The following FLII variants were observed in gnomAD, a reference collection of about 807,000 sequenced individuals.
FLII encodes the protein FLII actin remodeling protein.
Under a neutral mutation model 156.2 loss-of-function variants are expected in FLII, and 101 were observed. The ratio of observed to expected loss-of-function variants is 0.65; its 90% CI spans 0.55 to 0.76. FLII has a LOEUF of 0.76. Among genes scored for constraint, FLII ranks in the 30% least tolerant of loss-of-function variants. FLII has a pLI of 0.00. For missense variants in FLII, 1,675 were observed against 1,682.8 expected, an observed-to-expected ratio of 1.00 and a Z score of 0.08; for synonymous variants, 767 against 685.8, an observed-to-expected ratio of 1.12 and a Z score of -1.85.
In FLII at chr17:18,245,221, G is replaced by A. The variant is rs759682057; in HGVS notation, c.3727C>T (p.Arg1243Cys). The A allele has an allele frequency of 1.5e-5, 24 of 1,613,796 alleles. No individual in the cohort carries two copies. The highest frequency in any genetic ancestry group is 1.3e-4 in the Admixed American group (8 of 60,002). Residue 1243 changes from arginine (R) to cysteine (C), a missense_variant, in exon 30 of 30, where the codon CGC (arginine) becomes TGC (cysteine). Coordinates refer to ENST00000327031, the MANE Select transcript of FLII (RefSeq NM_002018.4). ...TGCTCATTGCCCTTGCGGACCAGGC[G>A]CAGCCGGCGCGGCCGCTCATGTTCC... ...SKEHERPRRL[R>C]LVRKGNEQHA...
In FLII at chr17:18,253,677, C is replaced by CT; in HGVS notation, c.721_722insA (p.Cys241Ter). The CT allele has an allele frequency of 6.2e-7, 1 of 1,613,554 alleles. No homozygotes were observed. Among genetic ancestry groups the CT allele is most frequent in the Non-Finnish European group, 8.5e-7 (1 of 1,179,962 alleles). ...GCGCAGGCTGGGGAGGGTGTACAGA[C>CT]ACTCGGGCACCCGTGTCAGGTCATT... The part of the protein sequence containing the change: ...SCNDLTRVPE[C>*]LYTLPSLRRL... Residue 241 changes from cysteine to a stop codon, truncating the protein, a stop_gained and frameshift_variant, in exon 8 of 30, where the codon TGT (cysteine) becomes TAGT (stop). Transcript: ENST00000327031. LOFTEE classifies it high-confidence loss of function.
intron 18 of FLII, 61 bp from the exon 19 acceptor site, chr17:18,248,094 G>T: frequency 8.3e-7 from 1 of 1,201,514 alleles, no homozygotes; most frequent in Non-Finnish European, 1.2e-6. Flanking sequence ...CACCCACACA[G>T]CCCTCTGCTC....
In FLII at chr17:18,246,678, G is replaced by A. The variant is rs2048069169; in HGVS notation, c.2967C>T (p.Gly989=). 5 of 1,613,660 alleles carry A rather than the reference G, an allele frequency of 3.1e-6. No homozygotes were observed. Among genetic ancestry groups the A allele is most frequent in the Non-Finnish European group, 4.2e-6 (5 of 1,179,880 alleles). ...DFQCIVYFWQ[G]REASNMGWLT... is the part of the protein sequence containing the mutation. ...GCCAGCCCATATTGGAGGCTTCACG[G>A]CCCTGCCAGAAGTACACGATGCACT... The change falls in exon 23 of 30, where the codon GGC becomes GGT. Residue 989 remains glycine (G), a synonymous_variant. Transcript: ENST00000327031.
chr17:18,258,619 C>T lies in FLII; in HGVS notation c.63+9G>A. 6.4e-7 allele frequency: 1 copy of T among 1,555,834 alleles called. No homozygotes were observed. The highest frequency in any genetic ancestry group is 2.5e-5 in the East Asian group (1 of 40,574). Reference sequence around the variant, plus strand: ...CAGGGAGGCCCGGCACGCGCCCGGCCCGGCTCACCTTGAAGTCGTTGCCGC... The same window carrying T: ...CAGGGAGGCCCGGCACGCGCCCGGCTCGGCTCACCTTGAAGTCGTTGCCGC... On this transcript the variant is annotated intron_variant, in intron 1 of 29. Coordinates refer to ENST00000327031, the MANE Select transcript of FLII (RefSeq NM_002018.4). The surrounding 1 kb of genome is among the most constrained non-coding windows in gnomAD (Gnocchi z 4.2).
Position 18,252,157 on chromosome 17 carries a change from G to C in FLII, c.1099-11C>G. On this transcript the variant is annotated splice_polypyrimidine_tract_variant and intron_variant, in intron 10 of 29. Transcript: ENST00000327031. ...CCGCACATCCAGGACCTGCCCCATA[G>C]GGTGAGCAGAGCCGGCACTGAGCCT... The C allele has an allele frequency of 6.2e-7, 1 of 1,611,964 alleles. No individual in the cohort carries two copies.
chr17:18,246,881 G>A (rs1040130257), intron 22 of FLII, 32 bp downstream of exon 22: 1 of 1,614,056 alleles, frequency 6.2e-7, no homozygotes, highest in Non-Finnish European at 8.5e-7. Flanking sequence ...CACCAGGGGA[G>A]GGACTTGGGG....
At position 18,248,229 on chromosome 17, in the gene FLII, C is replaced by A. The variant is rs551100266; in HGVS notation, c.2191-196G>T. ...ATGGAGTTTTCCCTGCCTGCCCTCT[C>A]CAGGCCCTTCATGCCATTTCTAATT... On this transcript the variant is annotated intron_variant, in intron 18 of 29. Coordinates refer to ENST00000327031, the MANE Select transcript of FLII (RefSeq NM_002018.4). Among the ~76,000 whole-genome samples the A allele has an allele frequency of 1.4e-4, 22 of 152,336 alleles. No homozygotes were observed. In the East Asian group the frequency reaches 2.1e-3, roughly 15 times the overall value.
At position 18,248,029 on chromosome 17, in the gene FLII, C is replaced by T; in HGVS notation, c.2195G>A (p.Gly732Asp). The T allele has an allele frequency of 6.2e-7, 1 of 1,610,582 alleles. No homozygotes were observed. Among genetic ancestry groups the T allele is most frequent in the South Asian group, 1.1e-5 (1 of 90,944 alleles). Residue 732 changes from glycine to aspartate, a missense_variant, in exon 19 of 30, where the codon GGC becomes GAC. Around this residue, in one of 2 missense-constraint regions of FLII, gnomAD observed 1,332 missense variants for 1,269.3 expected, o/e 1.05. Transcript: ENST00000327031. Reference protein sequence around the residue: ...WPPQPKLYKVGLGLGYLELPQ... With the variant: ...WPPQPKLYKVDLGLGYLELPQ... ...CAGCTCCAGGTAGCCCAAGCCCAGG[C>T]CCACCTGGCAGGAAGGATGAGCATG...
intron 13 of FLII, 43 bp downstream of exon 13, chr17:18,251,222 G>A (rs758005110): frequency 2.7e-5 from 42 of 1,584,542 alleles, no homozygotes; most frequent in Non-Finnish European, 3.3e-5. Context: ...CTTAGAGGAA[G>A]GTACTGGGCC....
rs772427910 is a variant in FLII, at chr17:18,257,026, G to C, written c.64-7C>G. On this transcript the variant is annotated splice_region_variant and splice_polypyrimidine_tract_variant and intron_variant, in intron 1 of 29. Transcript: ENST00000327031. ...TCTCAGGGAAGTAGCCGCCCTGGGG[G>C]AAGGATGTCAAGGTGAAGCACAGAG... 5.0e-6 allele frequency: 8 copies of C among 1,584,246 alleles called. No homozygotes were observed. Among genetic ancestry groups the C allele is most frequent in the Non-Finnish European group, 6.9e-6 (8 of 1,161,436 alleles).
Position 18,248,618 on chromosome 17 carries a change from C to T in FLII, c.2122G>A (p.Gly708Arg). Residue 708 changes from glycine (G) to arginine (R), a missense_variant, in exon 18 of 30, where the codon GGG becomes AGG. This residue lies in a region of FLII where 1,332 missense variants were observed against 1,269.3 expected (regional missense o/e 1.05). Coordinates refer to ENST00000327031, the MANE Select transcript of FLII (RefSeq NM_002018.4). ...TGCTTCTTGATCTCAGAGGGCTCCC[C>T]ACCCAGTGCCTCCCAGAACTCTGGG... Reference protein sequence around the residue: ...ELPEFWEALGGEPSEIKKHVP... With the variant: ...ELPEFWEALGREPSEIKKHVP... 4 of 1,613,912 alleles carry T rather than the reference C, an allele frequency of 2.5e-6. No homozygotes were observed. The highest frequency in any genetic ancestry group is 2.2e-5 in the East Asian group (1 of 44,860).
chr17:18,247,630 G>C (rs1362376262), intron 20 of FLII, 27 bp downstream of exon 20: 3 of 1,548,184 alleles, frequency 1.9e-6, no homozygotes, highest in Non-Finnish European at 2.6e-6. Flanking sequence ...GGATCCTGGG[G>C]AGGGGCCTCC....
chr17:18,255,924 G>A (rs1484908590), intron 3 of FLII, among the ~76,000 whole-genome samples: 1 of 152,246 alleles, frequency 6.6e-6, no homozygotes, highest in Non-Finnish European at 1.5e-5. Context: ...AAGTGGCAAA[G>A]CCCAGCTTTG....
chr17:18,253,734 G>A lies in FLII; in HGVS notation c.680-15C>T, dbSNP rs1312200151. On this transcript the variant is annotated splice_polypyrimidine_tract_variant and intron_variant, in intron 7 of 29. Transcript: ENST00000327031. ...CAGATCCACGTCTGGGGTGCAGGGT[G>A]GGGTGCATCAGCTGGGGCCCATACA... is the stretch of plus-strand genomic sequence containing the variant. 1.3e-6 allele frequency: 2 copies of A among 1,590,164 alleles called. No homozygotes were observed. The highest frequency in any genetic ancestry group is 2.3e-5 in the East Asian group (1 of 44,096).
In FLII at chr17:18,247,915, C is replaced by T. The variant is rs377071764; in HGVS notation, c.2295+14G>A. The T allele has an allele frequency of 6.2e-7, 1 of 1,613,432 alleles. No homozygotes were observed. The highest frequency in any genetic ancestry group is 8.5e-7 in the Non-Finnish European group (1 of 1,179,454). Reference sequence around the variant, plus strand: ...GAGGGATCTGGCCCCACGCCCTCCTCCTGCATCTCTTACCAGCCGCATTCT... The same window carrying T: ...GAGGGATCTGGCCCCACGCCCTCCTTCTGCATCTCTTACCAGCCGCATTCT... On this transcript the variant is annotated intron_variant, in intron 19 of 29. Coordinates refer to ENST00000327031, the MANE Select transcript of FLII (RefSeq NM_002018.4).
In FLII at chr17:18,245,665, G is replaced by T; in HGVS notation, c.3504-5C>A. On this transcript the variant is annotated splice_region_variant and splice_polypyrimidine_tract_variant and intron_variant, in intron 27 of 29. Coordinates refer to ENST00000327031, the MANE Select transcript of FLII (RefSeq NM_002018.4). ...TAGCCCTTCTCGTTGGAGCACCTGG[G>T]AATCAAGGGTCAAGGTGAGGCCAGA... is the stretch of plus-strand genomic sequence containing the variant. The T allele has an allele frequency of 6.2e-7, 1 of 1,613,452 alleles. No homozygotes were observed. The highest frequency in any genetic ancestry group is 8.5e-7 in the Non-Finnish European group (1 of 1,179,724).
In FLII at chr17:18,258,494, C is replaced by G. The variant is rs115575382; in HGVS notation, c.63+134G>C. 1.3e-5 allele frequency: 19 copies of G among 1,503,606 alleles called. 1 individual carries two copies. The South Asian group carries it at 2.2e-4, about 18-fold the overall frequency. 93.1% of individuals were successfully genotyped at this position (1,503,606 alleles called of 1,614,324 possible). Reference sequence around the variant, plus strand: ...AGGTCCATTCCTGGCCAGGGGAGAGCCCCACCCCGCCCCGGCCGCAGTCCC... The same window carrying G: ...AGGTCCATTCCTGGCCAGGGGAGAGGCCCACCCCGCCCCGGCCGCAGTCCC... On this transcript the variant is annotated intron_variant, in intron 1 of 29. Transcript: ENST00000327031. The surrounding 1 kb of genome is among the most constrained non-coding windows in gnomAD (Gnocchi z 4.2).
chr17:18,245,739 C>T lies in FLII; in HGVS notation c.3503+5G>A, dbSNP rs2048019136. 1 of 1,613,590 alleles carries T rather than the reference C, an allele frequency of 6.2e-7. No homozygotes were observed. ...CTGAGGGGAGGGTCAGGGCCCTGGC[C>T]TCACCGGAAGAGACGTGTGTGTTTC... On this transcript the variant is annotated splice_donor_5th_base_variant and intron_variant, in intron 27 of 29. Coordinates refer to ENST00000327031, the MANE Select transcript of FLII (RefSeq NM_002018.4).
At chr17:18,257,204 C>CG (rs2048446400) in intron 1 of FLII, 185 bp from the exon 2 acceptor site, 3 of 551,902 alleles carry the variant, frequency 5.4e-6, no homozygotes, top group African/African-American at 3.9e-5. Flanking sequence ...TAAGCCCCCC[C>CG]GTGACAAAAG....
Sources: allele counts gnomAD v4.1 joint callset (sites outside exome capture counted in the v4.1 genomes callset), GRCh38; gene constraint gnomAD v4.1.1; regional missense constraint gnomAD v4.1.1; non-coding constraint Gnocchi (gnomAD v3.1); transcripts MANE v1.5; gene names NCBI Gene and HGNC (gene_info 2026-07-23, HGNC 2026-07-21).